Variants in TUB observed in about 807,000 individuals in gnomAD.
The protein encoded by TUB is tubby protein homolog.
In TUB, 33 loss-of-function variants were observed where a neutral mutation model predicts 59.7. That is an observed-to-expected ratio of 0.55 (90% CI 0.42 to 0.74). The LOEUF (loss-of-function observed/expected upper bound fraction) is 0.74. TUB is among the 30% of genes least tolerant of loss of function. The pLI is 0.00. For synonymous variants in TUB, 293 were observed against 256.4 expected, an observed-to-expected ratio of 1.14 and a Z score of -1.36; for missense variants, 659 against 672.0, an observed-to-expected ratio of 0.98 and a Z score of 0.21.
Position 8,097,383 on chromosome 11 carries a change from C to T in TUB, c.843C>T (p.Tyr281=), listed in dbSNP as rs1944045211. 1 of 1,614,180 alleles carries T rather than the reference C, an allele frequency of 6.2e-7. No individual in the cohort carries two copies. Among genetic ancestry groups the T allele is most frequent in the Non-Finnish European group, 8.5e-7 (1 of 1,180,032 alleles). ...AGAAAGGGATGGACCGGGGCATGTA[C>T]CCCACCTACTTTCTGCACCTGGACC... The part of the protein sequence containing the change: ...RDKKGMDRGM[Y]PTYFLHLDRE... The change falls in exon 7 of 12, where the codon TAC becomes TAT. Residue 281 remains tyrosine (Y), a synonymous_variant. Transcript: ENST00000299506.
intron 2 of TUB, among the ~76,000 whole-genome samples, chr11:8,071,671 G>A (rs1269263885): frequency 6.6e-6 from 1 of 152,190 alleles, no homozygotes; most frequent in African/African-American, 2.4e-5. Flanking sequence ...AGGATGGGGT[G>A]GAATACAGTT....
chr11:8,095,866 C>T (rs923811905), intron 5 of TUB, among the ~76,000 whole-genome samples: 1 of 152,254 alleles, frequency 6.6e-6, no homozygotes, highest in East Asian at 1.9e-4. Context: ...GATTTGGGGG[C>T]AGATTTCCTT....
At chr11:8,059,671 G>T (rs959045342) in intron 2 of TUB, among the ~76,000 whole-genome samples, 1 of 152,138 alleles carries the variant, frequency 6.6e-6, no homozygotes, top group Non-Finnish European at 1.5e-5. Flanking sequence ...AGCCAGCCTG[G>T]AGGGGAGACA....
At chr11:8,058,947 C>T in intron 2 of TUB, among the ~76,000 whole-genome samples, 1 of 152,272 alleles carries the variant, frequency 6.6e-6, no homozygotes, top group African/African-American at 2.4e-5. Flanking sequence ...TTATAATAAA[C>T]TTATTGAGTC....
chr11:8,026,873 G>C (rs1293136968), intron 1 of TUB, among the ~76,000 whole-genome samples: 1 of 152,064 alleles, frequency 6.6e-6, no homozygotes, highest in Non-Finnish European at 1.5e-5. Context: ...GTAACATCGG[G>C]CCTTCCAATT....
chr11:8,087,983 A>G (rs928832158), intron 1 of TUB, among the ~76,000 whole-genome samples: 6 of 152,218 alleles, frequency 3.9e-5, no homozygotes, highest in African/African-American at 1.4e-4. Context: ...CCCCAAATGC[A>G]GCTGTGCCCT....
In TUB at chr11:8,104,781, C is replaced by T. The variant is rs141656278; in HGVS notation, c.*3162C>T. 1.3e-5 allele frequency: 2 copies of T among 152,128 alleles called. No homozygotes were observed. The highest frequency in any genetic ancestry group is 2.9e-5 in the Non-Finnish European group (2 of 67,998). 9.4% of individuals were successfully genotyped at this position (152,128 alleles called of 1,614,324 possible). On this transcript the variant is annotated 3_prime_UTR_variant, in exon 12 of 12. Coordinates refer to ENST00000299506, the MANE Select transcript of TUB (RefSeq NM_177972.3). ...TGAATGTGCCTTAAAAATCAAGACA[C>T]TAGTTCAGAGGAAGCACATAATGTC... is the stretch of plus-strand genomic sequence containing the variant.
intron 1 of TUB, among the ~76,000 whole-genome samples, chr11:8,032,062 C>CAG (rs1422391913): frequency 6.6e-6 from 1 of 152,072 alleles, no homozygotes; most frequent in East Asian, 1.9e-4. Flanking sequence ...GGAAGGGGAG[C>CAG]AGCCGCGACT....
At chr11:8,072,472 C>T (rs1386061900) in intron 2 of TUB, among the ~76,000 whole-genome samples, 1 of 152,210 alleles carries the variant, frequency 6.6e-6, no homozygotes, top group East Asian at 1.9e-4. Context: ...GCTTCTGCTT[C>T]CTTCTGTATA....
chr11:8,056,141 C>T (rs1283813306), intron 2 of TUB, among the ~76,000 whole-genome samples: 2 of 152,198 alleles, frequency 1.3e-5, no homozygotes, highest in Non-Finnish European at 2.9e-5. Flanking sequence ...CTTCTCAGCT[C>T]TCTGAAGTCC....
intron 2 of TUB, among the ~76,000 whole-genome samples, chr11:8,047,060 C>G (rs953121042): frequency 6.6e-6 from 1 of 152,196 alleles, no homozygotes; most frequent in Non-Finnish European, 1.5e-5. Context: ...GCACAGAGCA[C>G]TGCATTCTTA....
intron 2 of TUB, among the ~76,000 whole-genome samples, chr11:8,040,088 G>A (rs886162557): frequency 3.9e-5 from 6 of 152,186 alleles, no homozygotes; most frequent in East Asian, 1.9e-4. Context: ...GAATCATGGT[G>A]GCAGAGCCTC....
intron 1 of TUB, among the ~76,000 whole-genome samples, chr11:8,024,448 G>A (rs139877541): frequency 6.6e-6 from 1 of 151,888 alleles, no homozygotes; most frequent in East Asian, 1.9e-4. Context: ...GCACTCTCAA[G>A]ACCCCTCTCT....
intron 2 of TUB, among the ~76,000 whole-genome samples, chr11:8,072,808 T>A (rs1242814680): frequency 1.3e-5 from 2 of 152,270 alleles, no homozygotes; most frequent in Non-Finnish European, 1.5e-5. Context: ...CTCAGTCTTG[T>A]GTGTTTTCAC....
At chr11:8,039,089 C>T in intron 1 of TUB, 1 of 1,581,120 alleles carries the variant, frequency 6.3e-7, no homozygotes, top group South Asian at 1.2e-5. Context: ...GCTCCACCCA[C>T]CCACCCTCAC....
chr11:8,035,460 GC>G (rs1251488236), upstream of TUB: 1 of 152,302 alleles, frequency 6.6e-6, no homozygotes, highest in East Asian at 1.9e-4. Context: ...CTAACCTCCT[GC>G]TCCCTTCAGC....
chr11:8,074,414 A>C (rs955389321), intron 2 of TUB, among the ~76,000 whole-genome samples: 1 of 152,222 alleles, frequency 6.6e-6, no homozygotes, highest in South Asian at 2.1e-4. Context: ...ATTGTATTCC[A>C]TCTGATAAAT....
In TUB at chr11:8,081,547, A is replaced by C; in HGVS notation, c.37A>C (p.Ser13Arg). ...SKPHSDWIPY[S>R]VLDDEGRNLR... is the part of the protein sequence containing the mutation. ...GCCGCATTCCGACTGGATTCCCTAC[A>C]GGTACGCGGGCGCCGGGCCGGGGCG... The change falls in exon 1 of 12, where the codon AGT becomes CGT. Residue 13 changes from serine (S) to arginine (R), a missense_variant and splice_region_variant. Ser to Arg is a moderately radical substitution (Grantham distance 110). Coordinates refer to ENST00000299506, the MANE Select transcript of TUB (RefSeq NM_177972.3). The C allele has an allele frequency of 6.5e-7, 1 of 1,542,124 alleles. No individual in the cohort carries two copies. The highest frequency in any genetic ancestry group is 8.7e-7 in the Non-Finnish European group (1 of 1,150,330).
At position 8,100,286 on chromosome 11, in the gene TUB, G is replaced by A. The variant is rs142954679; in HGVS notation, c.1117-217G>A. ...GAGCGAGTGGAAGAACAGCATTGCCGTGAGCAGAAGCAAGGATGACGCATA... is the reference window on the plus strand; with the variant it reads ...GAGCGAGTGGAAGAACAGCATTGCCATGAGCAGAAGCAAGGATGACGCATA... On this transcript the variant is annotated intron_variant, in intron 9 of 11. Transcript: ENST00000299506. Among the ~76,000 whole-genome samples, 680 of 152,274 alleles carry A rather than the reference G, an allele frequency of 4.5e-3. 16 individuals are homozygous for A. The highest frequency in any genetic ancestry group is 0.04 in the Admixed American group (605 of 15,292).
Sources: allele counts gnomAD v4.1 joint callset (sites outside exome capture counted in the v4.1 genomes callset), GRCh38; gene constraint gnomAD v4.1.1; transcripts MANE v1.5; gene names NCBI Gene and HGNC (gene_info 2026-07-23, HGNC 2026-07-21).